LAMC3: variants seen among roughly 807,000 people sequenced by gnomAD.
LAMC3 encodes the protein laminin subunit gamma 3, also known as laminin subunit gamma-3.
A neutral mutation model predicts 173.8 loss-of-function variants in LAMC3; 128 were observed. That is an observed-to-expected ratio of 0.74 (90% confidence interval 0.64 to 0.85). The LOEUF is 0.85. Ranked by LOEUF, LAMC3 falls within the 40% of genes least tolerant of loss-of-function variation. The probability of loss-of-function intolerance (pLI) is 0.00; values close to 1 mark genes in which losing one functional copy is unlikely to be tolerated. For synonymous variants in LAMC3, 897 were observed against 909.1 expected (o/e 0.99, Z 0.24); for missense variants, 2,022 against 2,156.0 (o/e 0.94, Z 1.23).
In LAMC3 at chr9:131,091,978, C is replaced by T. The variant is rs549208041; in HGVS notation, c.*191C>T. On this transcript the variant is annotated 3_prime_UTR_variant, in exon 28 of 28. Coordinates refer to ENST00000361069, the MANE Select transcript of LAMC3 (RefSeq NM_006059.4). Reference sequence around the variant, plus strand: ...TTCCCTGCCAGCAGGACTGAGTGTGCGTACCCAGTTCACCTGGACATGAGT... The same window carrying T: ...TTCCCTGCCAGCAGGACTGAGTGTGTGTACCCAGTTCACCTGGACATGAGT... The T allele has an allele frequency of 5.3e-4, 362 of 677,496 alleles. 1 individual carries two copies. In the South Asian group the frequency reaches 6.4e-3, roughly 12 times the overall value. The allele number at this position is 677,496 out of a possible 1,614,324, so 42.0% of individuals were successfully genotyped here.
rs1456995511 is a variant in LAMC3 at position 131,017,182 on chromosome 9, G to T, written c.373+7595G>T. 2.6e-5 allele frequency among the ~76,000 whole-genome samples: 4 copies of T among 152,174 alleles called. 1 individual carries two copies. Among genetic ancestry groups the T allele is most frequent in the Non-Finnish European group, 2.9e-5 (2 of 68,036 alleles). ...TAAAGGATGCTGTGCGCGGGCTGCT[G>T]CGGGTCACCGGCGCAGACTCCTTGG... On this transcript the variant is annotated intron_variant, in intron 1 of 27. Transcript: ENST00000361069.
chr9:131,028,756 CAT>C (rs1004454673), intron 2 of LAMC3, among the ~76,000 whole-genome samples: 3 of 152,224 alleles, frequency 2.0e-5, no homozygotes, highest in Admixed American at 1.3e-4. Flanking sequence ...ACGCACAGCA[CAT>C]ATTTCCCCAG....
chr9:131,009,247 G>A lies in LAMC3; in HGVS notation c.33G>A (p.Ala11=), dbSNP rs1418855764. Residue 11 remains alanine, a synonymous_variant, in exon 1 of 28, where the codon GCG becomes GCA. Coordinates refer to ENST00000361069, the MANE Select transcript of LAMC3 (RefSeq NM_006059.4). The surrounding 1 kb of genome is among the most constrained non-coding windows in gnomAD (Gnocchi z 4.3). MAAAALLLGL[A]LLAPRAAGAG... ...CGGCTGCGCTTCTGCTGGGGCTGGC[G>A]CTGCTGGCACCGCGGGCGGCCGGCG... The A allele has an allele frequency of 7.8e-7, 1 of 1,284,938 alleles. No homozygotes were observed. Among genetic ancestry groups the A allele is most frequent in the Non-Finnish European group, 9.8e-7 (1 of 1,021,310 alleles). The allele number at this position is 1,284,938 out of a possible 1,614,324, so 79.6% of individuals were successfully genotyped here.
chr9:131,060,447 C>A (rs551140933), intron 12 of LAMC3, among the ~76,000 whole-genome samples: 1 of 152,184 alleles, frequency 6.6e-6, no homozygotes, highest in South Asian at 2.1e-4. Context: ...AGTTTGAGAC[C>A]AGCCTGGCCA....
At position 131,092,062 on chromosome 9, in the gene LAMC3, C is replaced by G; in HGVS notation, c.*275C>G. 1 of 528,236 alleles carries G rather than the reference C, an allele frequency of 1.9e-6. No homozygotes were observed. The highest frequency in any genetic ancestry group is 2.0e-5 in the South Asian group (1 of 49,338). 32.7% of individuals were successfully genotyped at this position (528,236 alleles called of 1,614,324 possible). On this transcript the variant is annotated 3_prime_UTR_variant, in exon 28 of 28. Transcript: ENST00000361069. ...CACACCCCAGTGTCAATAACATACACACGTGAGGGTGCATGTCTGTGTGTA... is the reference window on the plus strand; with the variant it reads ...CACACCCCAGTGTCAATAACATACAGACGTGAGGGTGCATGTCTGTGTGTA...
At position 131,033,022 on chromosome 9, in the gene LAMC3, GTGGTCCTGGTCCTGGTCC is replaced by G. The variant is rs368711738; in HGVS notation, c.809+861_809+878del. Among the ~76,000 whole-genome samples, 445 of 152,296 alleles carry G rather than the reference GTGGTCCTGGTCCTGGTCC, an allele frequency of 2.9e-3. 1 individual carries two copies. Among genetic ancestry groups the G allele is most frequent in the African/African-American group, 0.01 (421 of 41,564 alleles). On this transcript the variant is annotated intron_variant, in intron 3 of 27. Coordinates refer to ENST00000361069, the MANE Select transcript of LAMC3 (RefSeq NM_006059.4). ...AGAGAAAGGCGCTTCTCTCTGGCCC[GTGGTCCTGGTCCTGGTCC>G]TGGTCCTGGTCCTATGCGCCATTAG...
At chr9:131,068,471 G>C (rs1395846334) in intron 15 of LAMC3, among the ~76,000 whole-genome samples, 1 of 152,162 alleles carries the variant, frequency 6.6e-6, no homozygotes, top group Admixed American at 6.5e-5. Context: ...GCAGGTGGCC[G>C]GTTTGGTCTC....
chr9:131,011,215 T>G (rs1036622701), intron 1 of LAMC3, among the ~76,000 whole-genome samples: 9 of 152,208 alleles, frequency 5.9e-5, no homozygotes, highest in African/African-American at 2.2e-4. Context: ...TGCATCGTCT[T>G]TCTAAAAGCT....
At chr9:131,018,136 C>CTTT (rs776279087) in intron 1 of LAMC3, among the ~76,000 whole-genome samples, 1 of 143,090 alleles carries the variant, frequency 7.0e-6, no homozygotes, top group Non-Finnish European at 1.5e-5. Flanking sequence ...GCCCCAAGAT[C>CTTT]TTTTTTTTTT....
At chr9:131,050,535 T>A (rs11244262) in intron 9 of LAMC3, among the ~76,000 whole-genome samples, 1 of 151,746 alleles carries the variant, frequency 6.6e-6, no homozygotes, top group African/African-American at 2.4e-5. Flanking sequence ...AGGCTGAGGT[T>A]GGGGGGGATC....
At chr9:131,025,222 G>A (rs1402315926) in intron 1 of LAMC3, among the ~76,000 whole-genome samples, 2 of 152,212 alleles carry the variant, frequency 1.3e-5, no homozygotes, top group South Asian at 2.1e-4. Context: ...TTATCTCCTA[G>A]CCCTGTGCCT....
At chr9:131,015,248 G>C (rs1271033172) in intron 1 of LAMC3, among the ~76,000 whole-genome samples, 1 of 152,184 alleles carries the variant, frequency 6.6e-6, no homozygotes, top group Non-Finnish European at 1.5e-5. Context: ...AAGGGAGTGA[G>C]GAATTCATGG....
intron 21 of LAMC3, 35 bp from the exon 22 acceptor site, chr9:131,077,152 C>T: frequency 1.2e-6 from 2 of 1,611,404 alleles, no homozygotes; most frequent in Non-Finnish European, 1.7e-6. Flanking sequence ...AGGGCTAGTT[C>T]TGCACCCAGC....
chr9:131,079,176 G>C lies in LAMC3; in HGVS notation c.3805G>C (p.Gly1269Arg). Reference sequence around the variant, plus strand: ...TCAGAAGTCCCGGGCTGAAGACCTGGGCCTGAAGGCGAAGGCCCTGGAGAA... The same window carrying C: ...TCAGAAGTCCCGGGCTGAAGACCTGCGCCTGAAGGCGAAGGCCCTGGAGAA... ...LPQKSRAEDL[G>R]LKAKALEKTV... is the part of the protein sequence containing the mutation. Residue 1269 changes from glycine to arginine, a missense_variant, in exon 23 of 28, where the codon GGC (glycine) becomes CGC (arginine). Transcript: ENST00000361069. 6.2e-7 allele frequency: 1 copy of C among 1,613,830 alleles called. No individual in the cohort carries two copies. Among genetic ancestry groups the C allele is most frequent in the Non-Finnish European group, 8.5e-7 (1 of 1,179,884 alleles).
chr9:131,047,562 G>A lies in LAMC3; in HGVS notation c.1520-1458G>A, dbSNP rs1422718898. Among the ~76,000 whole-genome samples, 7 of 149,474 alleles carry A rather than the reference G, an allele frequency of 4.7e-5. 1 individual carries two copies. The highest frequency in any genetic ancestry group is 1.7e-4 in the African/African-American group (7 of 40,948). On this transcript the variant is annotated intron_variant, in intron 8 of 27. Coordinates refer to ENST00000361069, the MANE Select transcript of LAMC3 (RefSeq NM_006059.4). ...ATGGATATTTGCTGTCTTAGAAATG[G>A]AAACTGTGGCTGGGCGCAGTGGCTC...
At chr9:131,047,163 C>CTTTT (rs781187472) in intron 8 of LAMC3, among the ~76,000 whole-genome samples, 2 of 48,554 alleles carry the variant, frequency 4.1e-5, no homozygotes, top group Non-Finnish European at 4.7e-5. Context: ...CTCTGAATTC[C>CTTTT]TCTTTTTTTT....
In LAMC3 at chr9:131,077,245, C is replaced by T; in HGVS notation, c.3688C>T (p.Pro1230Ser). Reference protein sequence around the residue: ...ALRTAVAEVLPEAESVLATVQ... With the variant: ...ALRTAVAEVLSEAESVLATVQ... The stretch of plus-strand genomic sequence containing the variant: ...GAGGACGGCTGTGGCAGAGGTGCTG[C>T]CTGAAGCGGAAAGCGTGTTGGCCAC... The change falls in exon 22 of 28, where the codon CCT becomes TCT. Residue 1230 changes from proline to serine, a missense_variant. Transcript: ENST00000361069. 6.2e-7 allele frequency: 1 copy of T among 1,614,040 alleles called. No individual in the cohort carries two copies. Among genetic ancestry groups the T allele is most frequent in the Non-Finnish European group, 8.5e-7 (1 of 1,180,036 alleles).
chr9:131,066,421 G>A (rs1829933492), intron 13 of LAMC3, among the ~76,000 whole-genome samples: 1 of 151,746 alleles, frequency 6.6e-6, no homozygotes, highest in Non-Finnish European at 1.5e-5. Context: ...AACCCAGGAG[G>A]CAGAGGTTGC....
In LAMC3 at chr9:131,079,266, G is replaced by A. The variant is rs1238781853; in HGVS notation, c.3895G>A (p.Ala1299Thr). ...AARTLQTAAQ[A>T]TLRQTEPLTK... ...CCGAACCCTCCAGACTGCTGCCCAG[G>A]CGACGCTACGGCAAACAGAACCCCT... is the stretch of plus-strand genomic sequence containing the variant. The change falls in exon 23 of 28, where the codon GCG (alanine) becomes ACG (threonine). Residue 1299 changes from alanine (A) to threonine (T), a missense_variant. Transcript: ENST00000361069. The A allele has an allele frequency of 1.2e-6, 2 of 1,614,086 alleles. No individual in the cohort carries two copies. Among genetic ancestry groups the A allele is most frequent in the African/African-American group, 1.3e-5 (1 of 74,938 alleles).
Sources: allele counts gnomAD v4.1 joint callset (sites outside exome capture counted in the v4.1 genomes callset), GRCh38; gene constraint gnomAD v4.1.1; non-coding constraint Gnocchi (gnomAD v3.1); transcripts MANE v1.5; gene names NCBI Gene and HGNC (gene_info 2026-07-23, HGNC 2026-07-21).